Variants in SGCZ observed in about 807,000 individuals in gnomAD.
The protein encoded by SGCZ is sarcoglycan zeta.
In SGCZ, 40 loss-of-function variants were observed where a neutral mutation model predicts 41.3. The ratio of observed to expected loss-of-function variants is 0.97; its 90% CI spans 0.75 to 1.26. The LOEUF is 1.26. Ranked by LOEUF, SGCZ falls within the 50% of genes most tolerant of loss-of-function variation. The pLI is 0.00. For synonymous variants in SGCZ, 206 were observed against 137.5 expected, an observed-to-expected ratio of 1.50 and a Z score of -3.49; for missense variants, 552 against 369.8, an observed-to-expected ratio of 1.49 and a Z score of -4.04.
intron 1 of SGCZ, among the ~76,000 whole-genome samples, chr8:14,816,332 T>C (rs1801902522): frequency 6.6e-6 from 1 of 152,212 alleles, no homozygotes; most frequent in South Asian, 2.1e-4. Context: ...AGCCCACAGT[T>C]CCTTAAAAAC....
chr8:14,715,049 A>C (rs1048678352), intron 1 of SGCZ, among the ~76,000 whole-genome samples: 2 of 152,138 alleles, frequency 1.3e-5, no homozygotes, highest in African/African-American at 4.8e-5. Flanking sequence ...ATTTATTTTA[A>C]AAATATATAT....
chr8:14,999,200 C>T (rs575069235), intron 1 of SGCZ, among the ~76,000 whole-genome samples: 21 of 152,306 alleles, frequency 1.4e-4, no homozygotes, highest in African/African-American at 5.1e-4. Flanking sequence ...TTATCTAATA[C>T]ATGGGGTTTC....
chr8:14,916,945 AAC>A (rs750466194), intron 1 of SGCZ, among the ~76,000 whole-genome samples: 1 of 152,132 alleles, frequency 6.6e-6, no homozygotes, highest in Non-Finnish European at 1.5e-5. Context: ...GTCAGAGAAA[AAC>A]AGTCATACTC....
intron 1 of SGCZ, among the ~76,000 whole-genome samples, chr8:14,785,259 T>C (rs1490033917): frequency 1.3e-5 from 2 of 151,880 alleles, no homozygotes; most frequent in Non-Finnish European, 2.9e-5. Flanking sequence ...ATTTATCCAA[T>C]AAAAGTTATT....
In SGCZ at chr8:14,696,422, T is replaced by G. The variant is rs117374751; in HGVS notation, c.40-141496A>C. ...GATAACAAGCTGTTTATTAAAGCAT[T>G]AGCCTCCCTGAGCTTAAAGAATGTC... On this transcript the variant is annotated intron_variant, in intron 1 of 7. Coordinates refer to ENST00000382080, the MANE Select transcript of SGCZ (RefSeq NM_139167.4). Among the ~76,000 whole-genome samples the G allele has an allele frequency of 2.6e-4, 39 of 152,226 alleles. 1 individual carries two copies. The East Asian group carries it at 7.1e-3, about 28-fold the overall frequency.
At chr8:14,687,220 T>C (rs372958481) in intron 1 of SGCZ, among the ~76,000 whole-genome samples, 19 of 149,672 alleles carry the variant, frequency 1.3e-4, no homozygotes, top group East Asian at 7.8e-4. Context: ...ATACTTTAAG[T>C]TTTAGGGTAC....
intron 1 of SGCZ, among the ~76,000 whole-genome samples, chr8:15,224,011 C>T (rs1801692375): frequency 6.6e-6 from 1 of 152,082 alleles, no homozygotes; most frequent in Non-Finnish European, 1.5e-5. Context: ...TGGGCAACCA[C>T]ACCCAGCTAA....
intron 2 of SGCZ, among the ~76,000 whole-genome samples, chr8:14,513,785 G>A (rs1476717150): frequency 1.3e-5 from 2 of 152,144 alleles, no homozygotes; most frequent in Admixed American, 6.6e-5. Context: ...ATATGCACCA[G>A]CCCCAATATA....
At chr8:14,229,559 T>A (rs1478037) in intron 4 of SGCZ, among the ~76,000 whole-genome samples, 90,828 of 151,838 alleles carry the variant, frequency 0.6, 27,514 homozygotes, top group East Asian at 0.76. Context: ...AAGTATTTTG[T>A]TAATCTATCC....
chr8:14,194,109 T>A (rs1200209867), intron 4 of SGCZ, among the ~76,000 whole-genome samples: 1 of 151,852 alleles, frequency 6.6e-6, no homozygotes, highest in Non-Finnish European at 1.5e-5. Flanking sequence ...CTCAACAATA[T>A]AATACGTAAG....
chr8:14,530,127 G>A (rs570520274), intron 2 of SGCZ, among the ~76,000 whole-genome samples: 70 of 151,754 alleles, frequency 4.6e-4, no homozygotes, highest in South Asian at 1.9e-3. Context: ...ATGCATTTGC[G>A]TATTATGGTA....
intron 2 of SGCZ, among the ~76,000 whole-genome samples, chr8:14,385,536 A>G (rs1804545300): frequency 6.6e-6 from 1 of 152,170 alleles, no homozygotes; most frequent in African/African-American, 2.4e-5. Flanking sequence ...CTATCGATAG[A>G]ATGAAGTTAG....
intron 1 of SGCZ, among the ~76,000 whole-genome samples, chr8:15,021,279 T>G (rs989990028): frequency 6.6e-6 from 1 of 152,202 alleles, no homozygotes; most frequent in Admixed American, 6.5e-5. Context: ...TGATTATATC[T>G]GACTAATATG....
chr8:15,183,524 T>C (rs1800238874), intron 1 of SGCZ, among the ~76,000 whole-genome samples: 1 of 152,218 alleles, frequency 6.6e-6, no homozygotes, highest in Non-Finnish European at 1.5e-5. Context: ...AGATGTCATG[T>C]GATCTTATAT....
At chr8:15,110,429 G>A (rs1807003720) in intron 1 of SGCZ, among the ~76,000 whole-genome samples, 1 of 152,232 alleles carries the variant, frequency 6.6e-6, no homozygotes, top group African/African-American at 2.4e-5. Context: ...GCTGAATGCT[G>A]CATGAGATTC....
At chr8:14,962,886 A>T (rs1330868623) in intron 1 of SGCZ, among the ~76,000 whole-genome samples, 5 of 152,184 alleles carry the variant, frequency 3.3e-5, no homozygotes, top group Admixed American at 2.0e-4. Context: ...TTTCCATTGC[A>T]GACATGAAAA....
intron 5 of SGCZ, among the ~76,000 whole-genome samples, chr8:14,130,873 C>T (rs1803020323): frequency 6.6e-6 from 1 of 152,072 alleles, no homozygotes; most frequent in Non-Finnish European, 1.5e-5. Flanking sequence ...CAACATGGTG[C>T]CAGCCAGGTA....
chr8:15,217,225 G>A (rs1398993652), intron 1 of SGCZ, among the ~76,000 whole-genome samples: 1 of 151,668 alleles, frequency 6.6e-6, no homozygotes, highest in Non-Finnish European at 1.5e-5. Flanking sequence ...AGACCATCTT[G>A]GCTAACACGG....
At chr8:15,007,264 A>G (rs1351496841) in intron 1 of SGCZ, among the ~76,000 whole-genome samples, 1 of 152,236 alleles carries the variant, frequency 6.6e-6, no homozygotes, top group Non-Finnish European at 1.5e-5. Flanking sequence ...CCACCTTACT[A>G]TGACAGATTT....
Sources: gnomAD v4.1 joint callset for allele counts (sites outside exome capture counted in the v4.1 genomes callset) on GRCh38, gnomAD v4.1.1 for gene constraint, MANE v1.5 for transcripts, NCBI Gene and HGNC (gene_info 2026-07-23, HGNC 2026-07-21) for gene names.